Variants in DPP6 observed in about 807,000 individuals in gnomAD.
The protein encoded by DPP6 is dipeptidyl peptidase like 6.
Under a neutral mutation model 122.6 loss-of-function variants are expected in DPP6, and 69 were observed. The ratio of observed to expected loss-of-function variants is 0.56; its 90% confidence interval spans 0.46 to 0.69. DPP6 has a LOEUF of 0.69. Among genes scored for constraint, DPP6 ranks in the 30% least tolerant of loss-of-function variants. The probability of loss-of-function intolerance (pLI) is 0.00; values close to 1 mark genes in which losing one functional copy is unlikely to be tolerated. For synonymous variants in DPP6, 418 were observed against 433.1 expected, an observed-to-expected ratio of 0.97 and a Z score of 0.43; for missense variants, 928 against 1,116.9, an observed-to-expected ratio of 0.83 and a Z score of 2.41.
chr7:154,221,662 A>C (rs551613436), intron 1 of DPP6, among the ~76,000 whole-genome samples: 1 of 152,304 alleles, frequency 6.6e-6, no homozygotes, highest in South Asian at 2.1e-4. Context: ...TTAACTATTG[A>C]AAATTTTATT....
At chr7:153,837,421 C>T in the DPP6 span, among the ~76,000 whole-genome samples, 1 of 152,176 alleles carries the variant, frequency 6.6e-6, no homozygotes, top group African/African-American at 2.4e-5. Flanking sequence ...AATAGAAGCC[C>T]AGACAGCTTA....
Position 154,627,000 on chromosome 7 carries a change from C to CTT in DPP6, c.628-10791_628-10790dup, listed in dbSNP as rs552919287. Among the ~76,000 whole-genome samples the CTT allele has an allele frequency of 4.8e-3, 248 of 52,126 alleles. 52 individuals carry two copies. The highest frequency in any genetic ancestry group is 0.024 in the Middle Eastern group (1 of 42). The allele number at this position is 52,126 out of a possible 152,430, so 34.2% of individuals were successfully genotyped here. A position where few individuals can be genotyped will look rare whatever the true frequency, so the allele number is the denominator to read the frequency against. ...ATCTGGGGTCCATTAGAAATTTTTT[C>CTT]TTTTTTTTTTTTTTTTTTTTTTTTT... is the stretch of plus-strand genomic sequence containing the variant. On this transcript the variant is annotated intron_variant, in intron 5 of 25. Coordinates refer to ENST00000377770, the MANE Select transcript of DPP6 (RefSeq NM_130797.4).
intron 1 of DPP6, among the ~76,000 whole-genome samples, chr7:154,332,280 C>T (rs963996852): frequency 7.9e-5 from 12 of 152,142 alleles, no homozygotes; most frequent in Admixed American, 6.5e-4. Flanking sequence ...CCATGTTGGC[C>T]AGGCTGGTCT....
chr7:154,312,262 G>A (rs1806966058), intron 1 of DPP6, among the ~76,000 whole-genome samples: 1 of 152,148 alleles, frequency 6.6e-6, no homozygotes, highest in Non-Finnish European at 1.5e-5. Context: ...GAAATGTGCA[G>A]CGATTCCTTC....
chr7:153,883,144 T>C (rs779931102), upstream of DPP6, among the ~76,000 whole-genome samples: 30 of 152,014 alleles, frequency 2.0e-4, no homozygotes, highest in Non-Finnish European at 3.4e-4. Context: ...GCATCCCTGT[T>C]TGTGAAACTG....
At chr7:154,557,649 G>A (rs1001314349) in intron 4 of DPP6, among the ~76,000 whole-genome samples, 26 of 152,132 alleles carry the variant, frequency 1.7e-4, no homozygotes, top group African/African-American at 6.3e-4. Context: ...ATAAAATGTG[G>A]AGAGAAAAAT....
chr7:154,117,624 A>G (rs1807086131), intron 1 of DPP6, among the ~76,000 whole-genome samples: 3 of 152,206 alleles, frequency 2.0e-5, no homozygotes, highest in African/African-American at 7.2e-5. Flanking sequence ...AGCTCGCCAC[A>G]ATGAAACATA....
chr7:154,408,889 C>CCAGCACTT (rs1388467517), intron 1 of DPP6, among the ~76,000 whole-genome samples: 17 of 152,060 alleles, frequency 1.1e-4, no homozygotes, highest in African/African-American at 4.1e-4. Flanking sequence ...GCCTGTAATC[C>CCAGCACTT]CAGCACTTTG....
At chr7:154,309,834 T>C (rs1216370508) in intron 1 of DPP6, among the ~76,000 whole-genome samples, 1 of 151,860 alleles carries the variant, frequency 6.6e-6, no homozygotes, top group African/African-American at 2.4e-5. Flanking sequence ...GGGCATGGGG[T>C]GGGGTTGGTG....
At chr7:154,402,201 G>C (rs1815678562) in intron 1 of DPP6, among the ~76,000 whole-genome samples, 1 of 151,438 alleles carries the variant, frequency 6.6e-6, no homozygotes, top group South Asian at 2.1e-4. Context: ...GATTCCTCAG[G>C]GATCTAGAAC....
the DPP6 span, among the ~76,000 whole-genome samples, chr7:153,860,107 A>C: frequency 6.6e-6 from 1 of 152,152 alleles, no homozygotes; most frequent in Non-Finnish European, 1.5e-5. Flanking sequence ...CATTTTCATG[A>C]TAGAGTTATT....
chr7:154,246,617 C>G (rs1802001379), intron 1 of DPP6, among the ~76,000 whole-genome samples: 1 of 152,026 alleles, frequency 6.6e-6, no homozygotes, highest in Admixed American at 6.6e-5. Context: ...CAATAACTTC[C>G]ACAACCTATT....
At chr7:154,689,744 A>G (rs1839832821) in intron 7 of DPP6, among the ~76,000 whole-genome samples, 1 of 152,236 alleles carries the variant, frequency 6.6e-6, no homozygotes, top group Admixed American at 6.5e-5. Flanking sequence ...CAAATCTACG[A>G]AAGCAGGAAA....
intron 4 of DPP6, among the ~76,000 whole-genome samples, chr7:154,541,567 G>A (rs576852749): frequency 1.3e-5 from 2 of 152,302 alleles, no homozygotes; most frequent in South Asian, 2.1e-4. Flanking sequence ...AAAATGTTCA[G>A]ACTCTTATTA....
At chr7:154,885,370 T>G (rs1023027666) in intron 21 of DPP6, 4 of 439,100 alleles carry the variant, frequency 9.1e-6, no homozygotes, top group Non-Finnish European at 1.7e-5. Flanking sequence ...CCTTTCCAAT[T>G]CGCCGTTGCA....
the DPP6 span, among the ~76,000 whole-genome samples, chr7:153,793,990 A>T: frequency 6.6e-6 from 1 of 152,234 alleles, no homozygotes; most frequent in Non-Finnish European, 1.5e-5. Context: ...ATTTCAGAAC[A>T]TGTATGGAAA....
chr7:154,614,027 C>A (rs1388818683), intron 5 of DPP6, among the ~76,000 whole-genome samples: 2 of 152,220 alleles, frequency 1.3e-5, no homozygotes. Flanking sequence ...GAGAGCCACT[C>A]TCCAGCGGCA....
chr7:154,560,984 C>T (rs1047510751), intron 4 of DPP6, among the ~76,000 whole-genome samples: 6 of 150,650 alleles, frequency 4.0e-5, no homozygotes, highest in Non-Finnish European at 8.9e-5. Flanking sequence ...ATAAAATAGA[C>T]AACAAGGAAT....
At chr7:154,150,271 G>A (rs552013933) in intron 1 of DPP6, among the ~76,000 whole-genome samples, 1 of 152,018 alleles carries the variant, frequency 6.6e-6, no homozygotes, top group Non-Finnish European at 1.5e-5. Context: ...ATTTGGCAAG[G>A]CCCCCCACTT....
Sources: allele counts gnomAD v4.1 joint callset (sites outside exome capture counted in the v4.1 genomes callset), GRCh38; gene constraint gnomAD v4.1.1; transcripts MANE v1.5; gene names NCBI Gene and HGNC (gene_info 2026-07-23, HGNC 2026-07-21).